Variants in DRC4 observed in about 807,000 individuals in gnomAD.
DRC4 encodes the protein dynein regulatory complex subunit 4.
chr16:90,023,253 G>A, the DRC4 span, among the ~76,000 whole-genome samples: 1 of 152,182 alleles, frequency 6.6e-6, no homozygotes, highest in Non-Finnish European at 1.5e-5. Flanking sequence ...CAGTGCCCTT[G>A]GAGTGCCCAG....
the DRC4 span, among the ~76,000 whole-genome samples, chr16:90,035,120 C>G: frequency 2.6e-5 from 4 of 152,096 alleles, no homozygotes; most frequent in Non-Finnish European, 4.4e-5. Flanking sequence ...TCAGGCTGGT[C>G]TTAAACTCCC....
chr16:90,043,543 G>A, the DRC4 span: 18 of 618,988 alleles, frequency 2.9e-5, no homozygotes, highest in Admixed American at 1.1e-4. Context: ...TGTCCCTGTC[G>A]CTCCCTTCCC....
At chr16:90,040,867 CG>C in the DRC4 span, among the ~76,000 whole-genome samples, 2 of 151,336 alleles carry the variant, frequency 1.3e-5, no homozygotes, top group African/African-American at 4.9e-5. Context: ...GGGGGAACGA[CG>C]GGTCCCGGCC....
the DRC4 span, among the ~76,000 whole-genome samples, chr16:90,031,019 T>C: frequency 3.3e-5 from 5 of 152,232 alleles, no homozygotes; most frequent in Non-Finnish European, 4.4e-5. Flanking sequence ...CTCTTATATT[T>C]CTTTTGAGAA....
At chr16:90,022,627 T>C in the DRC4 span, 1 of 1,326,616 alleles carries the variant, frequency 7.5e-7, no homozygotes, top group Non-Finnish European at 9.9e-7. Flanking sequence ...TTGTGACTTA[T>C]CGCGGCATCG....
At chr16:90,027,787 A>C in the DRC4 span, 2 of 1,446,260 alleles carry the variant, frequency 1.4e-6, no homozygotes, top group Non-Finnish European at 1.9e-6. Flanking sequence ...CAGGGTGCCT[A>C]CGCCGAGTGT....
At chr16:90,040,781 A>G in the DRC4 span, among the ~76,000 whole-genome samples, 9 of 150,770 alleles carry the variant, frequency 6.0e-5, no homozygotes, top group Admixed American at 2.0e-4. Context: ...GGACGGGCAG[A>G]GGGTTGGAGA....
the DRC4 span, chr16:90,044,155 C>A: frequency 2.2e-6 from 1 of 455,260 alleles, no homozygotes; most frequent in African/African-American, 2.0e-5. Context: ...GTAAGTCAGG[C>A]GCTTCTGCGG....
At chr16:90,029,119 G>A in the DRC4 span, 1 of 1,321,948 alleles carries the variant, frequency 7.6e-7, no homozygotes, top group African/African-American at 1.5e-5. Flanking sequence ...CAGGCCTTGT[G>A]GGGCAGTGGC....
the DRC4 span, chr16:90,037,528 T>A: frequency 7.9e-6 from 9 of 1,140,526 alleles, no homozygotes; most frequent in Non-Finnish European, 1.1e-5. Flanking sequence ...CATTTCTCCT[T>A]TCTCTGCCTC....
the DRC4 span, chr16:90,028,940 G>A: frequency 7.7e-7 from 1 of 1,300,780 alleles, no homozygotes; most frequent in Non-Finnish European, 1.0e-6. Context: ...TTACATGCAG[G>A]CAAACCATTG....
chr16:90,031,190 G>A, the DRC4 span: 10 of 1,549,966 alleles, frequency 6.5e-6, no homozygotes, highest in Middle Eastern at 1.7e-4. Context: ...TTATTTTTAG[G>A]TGAAGTTGAG....
the DRC4 span, chr16:90,035,497 A>T: frequency 9.1e-7 from 1 of 1,100,950 alleles, no homozygotes; most frequent in Non-Finnish European, 1.4e-6. Context: ...TCTCAAGCTT[A>T]GAGGTGACTT....
chr16:90,028,000 G>A, the DRC4 span: 3 of 427,314 alleles, frequency 7.0e-6, no homozygotes, highest in Admixed American at 7.7e-5. Context: ...TTAATTTCGT[G>A]TATTCTCTTT....
the DRC4 span, chr16:90,044,868 C>T: frequency 4.1e-6 from 1 of 246,298 alleles, no homozygotes; most frequent in African/African-American, 2.3e-5. Context: ...ATCCCATGAG[C>T]AAGAACCACT....
the DRC4 span, chr16:90,042,570 C>T: frequency 3.9e-6 from 6 of 1,547,184 alleles, no homozygotes; most frequent in Non-Finnish European, 4.5e-6. Flanking sequence ...CAGGGGCACC[C>T]CCTCGGTGCC....
the DRC4 span, chr16:90,037,249 G>T: frequency 6.2e-7 from 1 of 1,611,848 alleles, no homozygotes; most frequent in East Asian, 2.2e-5. Context: ...TGGAGGACAT[G>T]CGGAAGAAGG....
chr16:90,029,214 G>A, the DRC4 span: 8 of 1,365,106 alleles, frequency 5.9e-6, no homozygotes, highest in Non-Finnish European at 7.8e-6. Flanking sequence ...GGCAGGCTAC[G>A]GGGCAGGCCC....
chr16:90,025,886 AAG>A, the DRC4 span, among the ~76,000 whole-genome samples: 1 of 151,798 alleles, frequency 6.6e-6, no homozygotes, highest in East Asian at 1.9e-4. Flanking sequence ...AAAAAAAAAA[AAG>A]ATAAATGGAT....
Sources: allele counts gnomAD v4.1 joint callset (sites outside exome capture counted in the v4.1 genomes callset), GRCh38; gene constraint gnomAD v4.1.1; transcripts MANE v1.5; gene names NCBI Gene and HGNC (gene_info 2026-07-23, HGNC 2026-07-21).